The following ENTPD5 variants were observed in gnomAD, a reference collection of about 807,000 sequenced individuals.
The protein encoded by ENTPD5 is nucleoside diphosphate phosphatase ENTPD5.
ENTPD5 carries 49 observed loss-of-function variants against 60.2 expected under a neutral mutation model. The observed-to-expected ratio is 0.81, with a 90% CI of 0.65 to 1.03. The LOEUF is 1.03. ENTPD5 is among the 50% of genes least tolerant of loss of function. The probability of loss-of-function intolerance (pLI) is 0.00; values close to 1 mark genes in which losing one functional copy is unlikely to be tolerated. For missense variants in ENTPD5, 480 were observed against 507.6 expected (o/e 0.95, Z 0.52); for synonymous variants, 187 against 185.4 (o/e 1.01, Z -0.07).
At chr14:74,017,578 CAAA>C (rs1188373135) in intron 1 of ENTPD5, among the ~76,000 whole-genome samples, 6 of 93,404 alleles carry the variant, frequency 6.4e-5, no homozygotes, top group Admixed American at 2.4e-4. Flanking sequence ...AACTCTGTCT[CAAA>C]AAAAAAAAAA....
chr14:74,007,761 C>G (rs988424149), intron 3 of ENTPD5: 1 of 150,058 alleles, frequency 6.7e-6, no homozygotes, highest in Non-Finnish European at 1.5e-5. Context: ...TTTGAAGCTG[C>G]CGTGAGCTGT....
At chr14:73,978,459 A>G (rs1466944743) in intron 6 of ENTPD5, among the ~76,000 whole-genome samples, 1 of 151,800 alleles carries the variant, frequency 6.6e-6, no homozygotes. Flanking sequence ...CAAAAAAATT[A>G]GCATGGTGGT....
rs779157866 is a variant in ENTPD5, at chr14:73,976,328, A to G, written c.638T>C (p.Phe213Ser). The G allele has an allele frequency of 6.3e-5, 102 of 1,613,816 alleles. No individual in the cohort carries two copies. Among genetic ancestry groups the G allele is most frequent in the Non-Finnish European group, 8.2e-5 (97 of 1,179,838 alleles). Reference sequence around the variant, plus strand: ...GATCTTCATTAAATGACTCACCTCAAACTGGGGCAGGAACGTGATTTGGGT... The same window carrying G: ...GATCTTCATTAAATGACTCACCTCAGACTGGGGCAGGAACGTGATTTGGGT... ...ASTQITFLPQ[F>S]EKTLEQTPRG... Residue 213 changes from phenylalanine (F) to serine (S), a missense_variant, in exon 9 of 16, where the codon TTT (phenylalanine) becomes TCT (serine). Transcript: ENST00000334696.
chr14:73,988,195 G>A, intron 3 of ENTPD5, 23 bp from the exon 4 acceptor site: 1 of 1,477,470 alleles, frequency 6.8e-7, no homozygotes, highest in Non-Finnish European at 9.0e-7. Flanking sequence ...AGACACACAA[G>A]TTAGACCAAC....
chr14:73,957,562 T>A (rs62006131), downstream of ENTPD5, among the ~76,000 whole-genome samples: 2,266 of 152,058 alleles, frequency 0.015, 54 homozygotes, highest in African/African-American at 0.051. Flanking sequence ...CTCAGCCTCC[T>A]GACTAACTGG....
At chr14:73,978,163 A>G (rs568421731) in intron 6 of ENTPD5, among the ~76,000 whole-genome samples, 9 of 152,302 alleles carry the variant, frequency 5.9e-5, no homozygotes, top group African/African-American at 2.2e-4. Flanking sequence ...TTAAAGACAG[A>G]TAAGTGAACA....
At chr14:74,005,726 G>T (rs1353674651) in intron 3 of ENTPD5, among the ~76,000 whole-genome samples, 1 of 152,046 alleles carries the variant, frequency 6.6e-6, no homozygotes, top group Admixed American at 6.6e-5. Flanking sequence ...AGGATCGCTA[G>T]AACCCAGGAG....
downstream of ENTPD5, chr14:73,958,087 T>C: frequency 7.1e-7 from 1 of 1,405,994 alleles, no homozygotes; most frequent in Non-Finnish European, 1.0e-6. Context: ...GTTATGGCTT[T>C]TTCCTCAGCC....
intron 15 of ENTPD5, among the ~76,000 whole-genome samples, chr14:73,967,817 AG>A (rs2057049188): frequency 2.2e-5 from 3 of 136,636 alleles, no homozygotes; most frequent in African/African-American, 2.8e-5. Flanking sequence ...AAAAAAAAAA[AG>A]AAAAAAAAAG....
At chr14:73,994,467 G>C (rs1485855856) in intron 3 of ENTPD5, among the ~76,000 whole-genome samples, 1 of 151,802 alleles carries the variant, frequency 6.6e-6, no homozygotes, top group African/African-American at 2.4e-5. Flanking sequence ...CAGGTGCAGT[G>C]GCTCACGCCT....
intron 6 of ENTPD5, among the ~76,000 whole-genome samples, chr14:73,980,764 C>T (rs928579138): frequency 1.3e-5 from 2 of 152,202 alleles, no homozygotes; most frequent in African/African-American, 4.8e-5. Context: ...TATTAACTTA[C>T]ATGTTTATTG....
chr14:73,958,116 A>G (rs773507520), downstream of ENTPD5: 1 of 1,592,572 alleles, frequency 6.3e-7, no homozygotes, highest in African/African-American at 1.3e-5. Context: ...CCACCTTTCT[A>G]ATTTTTTTTC....
At position 73,976,352 on chromosome 14, in the gene ENTPD5, G is replaced by A; in HGVS notation, c.614C>T (p.Thr205Ile). 6.2e-7 allele frequency: 1 copy of A among 1,614,138 alleles called. No individual in the cohort carries two copies. Among genetic ancestry groups the A allele is most frequent in the Non-Finnish European group, 8.5e-7 (1 of 1,179,998 alleles). Residue 205 changes from threonine to isoleucine, a missense_variant, in exon 9 of 16, where the codon ACC (threonine) becomes ATC (isoleucine). Coordinates refer to ENST00000334696, the MANE Select transcript of ENTPD5 (RefSeq NM_001249.5). ...VGTLDLGGAS[T>I]QITFLPQFEK... ...AAACTGGGGCAGGAACGTGATTTGG[G>A]TGGAGGCTCCCCCTAGGTCCAAGGT... is the stretch of plus-strand genomic sequence containing the variant.
downstream of ENTPD5, chr14:73,960,301 T>C: frequency 3.0e-6 from 3 of 986,156 alleles, no homozygotes; most frequent in Non-Finnish European, 3.6e-6. Context: ...AGAGAACTTT[T>C]GTAAAATCCA....
At position 73,964,699 on chromosome 14, in the gene ENTPD5, C is replaced by G. The variant is rs1363753526; in HGVS notation, c.*2229G>C. ...AGTGTTCTGTGACTGGTCTGGCACC[C>G]TACTTTTGTTGACAAAGATGGGAAG... On this transcript the variant is annotated 3_prime_UTR_variant, in exon 16 of 16. Coordinates refer to ENST00000334696, the MANE Select transcript of ENTPD5 (RefSeq NM_001249.5). 2 of 152,150 alleles carry G rather than the reference C, an allele frequency of 1.3e-5. No homozygotes were observed. Among genetic ancestry groups the G allele is most frequent in the Non-Finnish European group, 2.9e-5 (2 of 68,024 alleles). The allele number at this position is 152,150 out of a possible 1,614,324, so 9.4% of individuals were successfully genotyped here.
chr14:73,973,000 T>C lies in ENTPD5; in HGVS notation c.911A>G (p.Tyr304Cys). The C allele has an allele frequency of 5.0e-6, 8 of 1,614,188 alleles. No homozygotes were observed. The highest frequency in any genetic ancestry group is 4.4e-5 in the South Asian group (4 of 91,086). Residue 304 changes from tyrosine to cysteine, a missense_variant, in exon 13 of 16, where the codon TAT becomes TGT. By Grantham distance (194) the Tyr-to-Cys change is radical. Transcript: ENST00000334696. ...TCGTACCACCCTCAGCACTTCGGCA[T>C]AGCAGGGCTCAAAGCCCACCTCCCC... ...QEGEVGFEPC[Y>C]AEVLRVVRGK...
At chr14:73,999,266 T>TCATGAGG (rs2058430309) in intron 3 of ENTPD5, among the ~76,000 whole-genome samples, 1 of 151,582 alleles carries the variant, frequency 6.6e-6, no homozygotes, top group Non-Finnish European at 1.5e-5. Context: ...AGTGGGTGGA[T>TCATGAGG]TACCTCAAGT....
chr14:73,979,878 C>A (rs1376342405), intron 6 of ENTPD5, among the ~76,000 whole-genome samples: 2 of 151,952 alleles, frequency 1.3e-5, no homozygotes, highest in African/African-American at 4.8e-5. Flanking sequence ...GACTTAAGTC[C>A]TCTGTACTGA....
downstream of ENTPD5, chr14:73,963,064 C>A: frequency 8.0e-7 from 1 of 1,246,240 alleles, no homozygotes; most frequent in Non-Finnish European, 1.2e-6. Context: ...ACCCATCATA[C>A]ATATTTTCAA....
Sources: allele counts gnomAD v4.1 joint callset (sites outside exome capture counted in the v4.1 genomes callset), GRCh38; gene constraint gnomAD v4.1.1; transcripts MANE v1.5; gene names NCBI Gene and HGNC (gene_info 2026-07-23, HGNC 2026-07-21).